Variants in CDH4 observed in about 807,000 individuals in gnomAD.
CDH4 encodes the protein cadherin 4, also known as cadherin-4.
Under a neutral mutation model 86.0 loss-of-function variants are expected in CDH4, and 33 were observed. That is an observed-to-expected ratio of 0.38 (90% confidence interval 0.29 to 0.51). The LOEUF is 0.51. Ranked by LOEUF, CDH4 falls within the 20% of genes least tolerant of loss-of-function variation. The pLI is 0.86. For missense variants in CDH4, 1,114 were observed against 1,307.4 expected, an observed-to-expected ratio of 0.85 and a Z score of 2.28; for synonymous variants, 555 against 549.4, an observed-to-expected ratio of 1.01 and a Z score of -0.14.
intron 7 of CDH4, among the ~76,000 whole-genome samples, chr20:61,874,120 C>A (rs533229511): frequency 6.6e-6 from 1 of 152,146 alleles, no homozygotes; most frequent in Non-Finnish European, 1.5e-5. Context: ...CAGAACAGGC[C>A]CAGCTGGTGC....
intron 2 of CDH4, among the ~76,000 whole-genome samples, chr20:61,575,920 A>G (rs1321044825): frequency 6.6e-6 from 1 of 152,184 alleles, no homozygotes; most frequent in Non-Finnish European, 1.5e-5. Context: ...GAGGCTGATG[A>G]CATGGGATGG....
chr20:61,633,639 G>A (rs2086917584), intron 2 of CDH4, among the ~76,000 whole-genome samples: 1 of 152,212 alleles, frequency 6.6e-6, no homozygotes, highest in Admixed American at 6.5e-5. Context: ...AAAAAGCATG[G>A]TTTCTGGCAG....
At chr20:61,683,659 T>A (rs1448566146) in intron 2 of CDH4, among the ~76,000 whole-genome samples, 1 of 152,198 alleles carries the variant, frequency 6.6e-6, no homozygotes, top group Admixed American at 6.5e-5. Context: ...GTTGATAGAA[T>A]GAGATTTAAT....
chr20:61,704,250 C>T (rs1346152838), intron 2 of CDH4, among the ~76,000 whole-genome samples: 1 of 152,086 alleles, frequency 6.6e-6, no homozygotes, highest in Non-Finnish European at 1.5e-5. Context: ...CATCAGCTCA[C>T]AGGAAACCCA....
chr20:61,774,835 TC>T (rs1219453946), intron 4 of CDH4, among the ~76,000 whole-genome samples: 1 of 152,214 alleles, frequency 6.6e-6, no homozygotes, highest in Non-Finnish European at 1.5e-5. Context: ...TCCATCCATG[TC>T]CCTGCAAAGG....
intron 8 of CDH4, among the ~76,000 whole-genome samples, chr20:61,910,123 C>G (rs1319175095): frequency 6.6e-6 from 1 of 152,262 alleles, no homozygotes; most frequent in Non-Finnish European, 1.5e-5. Context: ...TGTTTGTGAA[C>G]ACTCGTTGAG....
chr20:61,584,638 T>C (rs1277276515), intron 2 of CDH4, among the ~76,000 whole-genome samples: 1 of 152,164 alleles, frequency 6.6e-6, no homozygotes, highest in African/African-American at 2.4e-5. Flanking sequence ...AATAGATTTT[T>C]GCTAAAACAA....
At chr20:61,565,467 T>TAGAA (rs1267330116) in intron 2 of CDH4, among the ~76,000 whole-genome samples, 1 of 151,506 alleles carries the variant, frequency 6.6e-6, no homozygotes, top group Non-Finnish European at 1.5e-5. Context: ...GTAACAACCC[T>TAGAA]AGAAAGGCTA....
chr20:61,877,681 G>A (rs1446208966), intron 7 of CDH4, among the ~76,000 whole-genome samples: 3 of 152,164 alleles, frequency 2.0e-5, no homozygotes, highest in Non-Finnish European at 4.4e-5. Flanking sequence ...TTTCCTTGAT[G>A]ATCCTTCAGC....
chr20:61,565,088 GCTCTT>G (rs1568687991), intron 2 of CDH4, among the ~76,000 whole-genome samples: 7 of 89,916 alleles, frequency 7.8e-5, no homozygotes, highest in South Asian at 4.0e-4. Context: ...TGGTGGTGGT[GCTCTT>G]GGTGGTGCTC....
Position 61,707,310 on chromosome 20 carries a change from C to A in CDH4, c.170-36253C>A, listed in dbSNP as rs373646803. ...ATTTATGGGACAAGGAAAGGCCCAA[C>A]TCTGCCTTCGTCAGTTGCTGCCTGC... On this transcript the variant is annotated intron_variant, in intron 2 of 15. Coordinates refer to ENST00000614565, the MANE Select transcript of CDH4 (RefSeq NM_001794.5). 1.3e-3 allele frequency among the ~76,000 whole-genome samples: 191 copies of A among 152,382 alleles called. 4 individuals are homozygous for A. In the South Asian group the frequency reaches 0.039, roughly 31 times the overall value.
intron 2 of CDH4, among the ~76,000 whole-genome samples, chr20:61,650,914 A>G (rs1159915021): frequency 6.6e-6 from 1 of 152,268 alleles, no homozygotes; most frequent in Non-Finnish European, 1.5e-5. Flanking sequence ...TATGCTCTTC[A>G]GTGGCCCCAT....
intron 8 of CDH4, among the ~76,000 whole-genome samples, chr20:61,904,110 G>A (rs982856198): frequency 2.0e-4 from 31 of 152,364 alleles, no homozygotes; most frequent in Admixed American, 1.6e-3. Flanking sequence ...AGCCAGTCCT[G>A]AGAGTATGGG....
At chr20:61,843,942 C>T (rs987978339) in intron 4 of CDH4, among the ~76,000 whole-genome samples, 6 of 152,222 alleles carry the variant, frequency 3.9e-5, no homozygotes, top group African/African-American at 1.4e-4. Flanking sequence ...GCGCCACTCA[C>T]CTGTGGTGGG....
In CDH4 at chr20:61,337,156, A is replaced by C. The variant is rs1416216908; in HGVS notation, c.169+82219A>C. On this transcript the variant is annotated intron_variant, in intron 2 of 15. Coordinates refer to ENST00000614565, the MANE Select transcript of CDH4 (RefSeq NM_001794.5). The stretch of plus-strand genomic sequence containing the variant: ...CTTCGCCATAAAGTGGGGATGCTCT[A>C]GGCAGCCACATCCCATGGATACCTG... 2.0e-5 allele frequency among the ~76,000 whole-genome samples: 3 copies of C among 151,838 alleles called. No individual in the cohort carries two copies. The East Asian group carries it at 5.9e-4, about 30-fold the overall frequency.
intron 4 of CDH4, among the ~76,000 whole-genome samples, chr20:61,796,978 C>T (rs1199586252): frequency 6.6e-6 from 1 of 152,138 alleles, no homozygotes; most frequent in Non-Finnish European, 1.5e-5. Flanking sequence ...CATACAGCGC[C>T]AGCTGTGGCA....
At chr20:61,804,361 C>G (rs574293189) in intron 4 of CDH4, among the ~76,000 whole-genome samples, 1 of 152,316 alleles carries the variant, frequency 6.6e-6, no homozygotes, top group African/African-American at 2.4e-5. Flanking sequence ...AAAGAGCTGT[C>G]CCCTGCACAG....
intron 2 of CDH4, among the ~76,000 whole-genome samples, chr20:61,368,718 T>C (rs2084823708): frequency 6.6e-6 from 1 of 152,018 alleles, no homozygotes; most frequent in Non-Finnish European, 1.5e-5. Context: ...TGTTTCACCA[T>C]GTTGCCCAGG....
At chr20:61,520,505 T>C (rs2085860778) in intron 2 of CDH4, among the ~76,000 whole-genome samples, 1 of 152,204 alleles carries the variant, frequency 6.6e-6, no homozygotes, top group Non-Finnish European at 1.5e-5. Flanking sequence ...GGGAGCTGTC[T>C]GTCAGGCCAG....
Sources: allele counts gnomAD v4.1 joint callset (sites outside exome capture counted in the v4.1 genomes callset), GRCh38; gene constraint gnomAD v4.1.1; transcripts MANE v1.5; gene names NCBI Gene and HGNC (gene_info 2026-07-23, HGNC 2026-07-21).